The following PKMYT1 variants were observed in gnomAD, a reference collection of about 807,000 sequenced individuals.
PKMYT1 encodes the protein protein kinase, membrane associated tyrosine/threonine 1.
PKMYT1 carries 35 observed loss-of-function variants against 49.7 expected under a neutral mutation model. The observed-to-expected ratio is 0.70, with a 90% confidence interval of 0.54 to 0.93. PKMYT1 has a LOEUF of 0.93. Among genes scored for constraint, PKMYT1 ranks in the 40% least tolerant of loss-of-function variants. PKMYT1 has a pLI of 0.00. For synonymous variants in PKMYT1, 331 were observed against 287.6 expected (o/e 1.15, Z -1.53); for missense variants, 677 against 673.1 (o/e 1.01, Z -0.06).
At chr16:2,974,937 G>A (rs981498640) in intron 4 of PKMYT1, 1 of 566,754 alleles carries the variant, frequency 1.8e-6, no homozygotes, top group Admixed American at 3.3e-5. Flanking sequence ...ACTGCTGGCA[G>A]GTATTACTAT....
In PKMYT1 at chr16:2,976,740, C is replaced by T. The variant is rs774021188; in HGVS notation, c.302G>A (p.Arg101Gln). 6.7e-6 allele frequency: 10 copies of T among 1,501,840 alleles called. No individual in the cohort carries two copies. The highest frequency in any genetic ancestry group is 4.2e-5 in the African/African-American group (3 of 71,374). 93.0% of individuals were successfully genotyped at this position (1,501,840 alleles called of 1,614,324 possible). A position where few individuals can be genotyped will look rare whatever the true frequency, so the allele number is the denominator to read the frequency against. Residue 101 changes from arginine to glutamine, a missense_variant, in exon 3 of 9, where the codon CGG becomes CAG. Arg to Gln is a conservative substitution (Grantham distance 43). Coordinates refer to ENST00000262300, the MANE Select transcript of PKMYT1 (RefSeq NM_004203.5). ...GCTCTGCTGGAAGAAGGACTCTGGC[C>T]GGCTTGGGTCATACCCAGGGCTCTG... ...TLQSPGYDPSRPESFFQQSFQ... is the reference protein window; with the variant it reads ...TLQSPGYDPSQPESFFQQSFQ...
intron 7 of PKMYT1, 75 bp downstream of exon 7, chr16:2,973,925 C>G: frequency 6.7e-7 from 1 of 1,498,148 alleles, no homozygotes. Context: ...TCCCCATTCA[C>G]CACGAATCTC....
In PKMYT1 at chr16:2,974,643, T is replaced by C; in HGVS notation, c.886A>G (p.Ile296Val). Residue 296 changes from isoleucine to valine, a missense_variant, in exon 5 of 9, where the codon ATC (isoleucine) becomes GTC (valine). Ile to Val is a conservative substitution (Grantham distance 29, BLOSUM62 3). Coordinates refer to ENST00000262300, the MANE Select transcript of PKMYT1 (RefSeq NM_004203.5). ...AADVFSLGLT[I>V]LEVACNMELP... Reference sequence around the variant, plus strand: ...TCCATGTTGCATGCCACTTCCAGGATGGTGAGGCCCAGACTGGCAGGGACG... The same window carrying C: ...TCCATGTTGCATGCCACTTCCAGGACGGTGAGGCCCAGACTGGCAGGGACG... 2 of 1,564,400 alleles carry C rather than the reference T, an allele frequency of 1.3e-6. No individual in the cohort carries two copies. The highest frequency in any genetic ancestry group is 2.7e-5 in the African/African-American group (2 of 73,956).
chr16:2,977,383 A>ACGGC, intron 2 of PKMYT1: 3 of 995,118 alleles, frequency 3.0e-6, no homozygotes, highest in East Asian at 8.9e-5. Flanking sequence ...ATCCTAAACT[A>ACGGC]CACAACCTCT....
intron 2 of PKMYT1, chr16:2,977,602 G>C (rs539402490): frequency 1.6e-6 from 1 of 613,742 alleles, no homozygotes; most frequent in South Asian, 7.3e-5. Context: ...AGCACTGAAA[G>C]CCTCTGGGCA....
chr16:2,977,617 G>C (rs572527423), intron 2 of PKMYT1: 72 of 446,334 alleles, frequency 1.6e-4, no homozygotes, highest in Non-Finnish European at 2.1e-4. Flanking sequence ...TGGGCATGGT[G>C]CCCAGGGCAC....
rs897804290 is a variant in PKMYT1, at chr16:2,974,276, T to C, written c.1121A>G (p.Glu374Gly). The change falls in exon 6 of 9, where the codon GAG (glutamate) becomes GGG (glycine). Residue 374 changes from glutamate to glycine, a missense_variant. Transcript: ENST00000262300. ...AWGVLWCMAA[E>G]ALSRGWALWQ... The stretch of plus-strand genomic sequence containing the variant: ...CAGGGCCCACCCTCGGCTCAGGGCC[T>C]CCGCTGCCATGCACCACAGCACACC... 8 of 1,574,796 alleles carry C rather than the reference T, an allele frequency of 5.1e-6. No individual in the cohort carries two copies. The Admixed American group carries it at 7.4e-5, about 15-fold the overall frequency.
At chr16:2,977,772 G>A (rs560484073) in intron 2 of PKMYT1, among the ~76,000 whole-genome samples, 20 of 152,274 alleles carry the variant, frequency 1.3e-4, no homozygotes, top group African/African-American at 4.6e-4. Flanking sequence ...GTGTGGCCAA[G>A]AAGAAGGGCT....
At position 2,976,723 on chromosome 16, in the gene PKMYT1, GGAA is replaced by G. The variant is rs750629453; in HGVS notation, c.316_318del (p.Phe106del). The G allele has an allele frequency of 1.1e-5, 16 of 1,497,404 alleles. No homozygotes were observed. The highest frequency in any genetic ancestry group is 1.4e-5 in the South Asian group (1 of 72,182). 92.8% of individuals were successfully genotyped at this position (1,497,404 alleles called of 1,614,324 possible). On this transcript the variant is annotated inframe_deletion, in exon 3 of 9. Coordinates refer to ENST00000262300, the MANE Select transcript of PKMYT1 (RefSeq NM_004203.5). ...CGGCTGAGCCTCTGGAAGCTCTGCT[GGAA>G]GAAGGACTCTGGCCGGCTTGGGTCA...
chr16:2,974,082 G>A lies in PKMYT1; in HGVS notation c.1228C>T (p.Pro410Ser). Reference protein sequence around the residue: ...PASWLQPLGPPATPPGSPPCS... With the variant: ...PASWLQPLGPSATPPGSPPCS... ...GGTGGTGAGCCAGGCGGGGTGGCTG[G>A]CGGGCCCAGGGGCTGTAGCCAGCTG... The change falls in exon 7 of 9, where the codon CCA (proline) becomes TCA (serine). Residue 410 changes from proline to serine, a missense_variant. Coordinates refer to ENST00000262300, the MANE Select transcript of PKMYT1 (RefSeq NM_004203.5). 1 of 1,610,266 alleles carries A rather than the reference G, an allele frequency of 6.2e-7. No individual in the cohort carries two copies. Among genetic ancestry groups the A allele is most frequent in the Non-Finnish European group, 8.5e-7 (1 of 1,178,840 alleles).
intron 2 of PKMYT1, 125 bp from the exon 3 acceptor site, chr16:2,977,156 C>A: frequency 6.7e-7 from 1 of 1,498,692 alleles, no homozygotes; most frequent in Non-Finnish European, 8.9e-7. Flanking sequence ...CTACTTTAAA[C>A]GGCAATGGGA....
rs756142198 is a variant in PKMYT1 at position 2,974,350 on chromosome 16, C to T, written c.1047G>A (p.Thr349=). 1.6e-5 allele frequency: 25 copies of T among 1,610,020 alleles called. No homozygotes were observed. The highest frequency in any genetic ancestry group is 1.6e-4 in the Middle Eastern group (1 of 6,074). ...MLEPDPKLRA[T]AEALLALPVL... is the part of the protein sequence containing the mutation. The stretch of plus-strand genomic sequence containing the variant: ...CAGGCAGTGCCAGCAGGGCCTCGGC[C>T]GTGGCCCGCAGCTTGGGGTCTGGCT... The change falls in exon 6 of 9, where the codon ACG becomes ACA. Residue 349 remains threonine (T), a synonymous_variant. Coordinates refer to ENST00000262300, the MANE Select transcript of PKMYT1 (RefSeq NM_004203.5).
Position 2,976,098 on chromosome 16 carries a change from C to G in PKMYT1, c.379-286G>C, listed in dbSNP as rs1234593455. The G allele has an allele frequency of 9.6e-6, 4 of 415,398 alleles. No homozygotes were observed. The Admixed American group carries it at 1.2e-4, about 13-fold the overall frequency. 25.7% of individuals were successfully genotyped at this position (415,398 alleles called of 1,614,324 possible). A position where few individuals can be genotyped will look rare whatever the true frequency, so the allele number is the denominator to read the frequency against. On this transcript the variant is annotated intron_variant, in intron 3 of 8. Transcript: ENST00000262300. ...CGAGGTGGAAAAAGCAGCTGCAGAGCAACACAGGCAGCCCAGGCTGTGGTG... is the reference window on the plus strand; with the variant it reads ...CGAGGTGGAAAAAGCAGCTGCAGAGGAACACAGGCAGCCCAGGCTGTGGTG...
At chr16:2,974,928 C>G in intron 4 of PKMYT1, 1 of 567,494 alleles carries the variant, frequency 1.8e-6, no homozygotes, top group African/African-American at 1.9e-5. Flanking sequence ...ACCACAGTTA[C>G]TGCTGGCAGG....
At position 2,974,010 on chromosome 16, in the gene PKMYT1, C is replaced by T. The variant is rs200656682; in HGVS notation, c.1300G>A (p.Asp434Asn). The change falls in exon 7 of 9, where the codon GAC (aspartate) becomes AAC (asparagine). Residue 434 changes from aspartate to asparagine, a missense_variant. By Grantham distance (23) the Asp-to-Asn change is conservative. Coordinates refer to ENST00000262300, the MANE Select transcript of PKMYT1 (RefSeq NM_004203.5). ...TGCACTTGAACCCACCCTAGGCTGT[C>T]GTCATCCCAGTTGCTGGAGAGGCTG... ...DSSLSSNWDD[D>N]SLGPSLSPEA... is the part of the protein sequence containing the mutation. The T allele has an allele frequency of 6.2e-6, 10 of 1,612,640 alleles. No homozygotes were observed. Among genetic ancestry groups the T allele is most frequent in the African/African-American group, 5.3e-5 (4 of 74,918 alleles).
Position 2,975,377 on chromosome 16 carries a change from G to T in PKMYT1, c.814C>A (p.Arg272Ser). The change falls in exon 4 of 9, where the codon CGC becomes AGC. Residue 272 changes from arginine (R) to serine (S), a missense_variant. Coordinates refer to ENST00000262300, the MANE Select transcript of PKMYT1 (RefSeq NM_004203.5). ...GAGEVQEGDP[R>S]YMAPELLQGS... ...TGCAGCAGCTCGGGGGCCATGTAGC[G>T]GGGGTCTCCCTCCTGGACCTCACCA... 2 of 1,613,040 alleles carry T rather than the reference G, an allele frequency of 1.2e-6. No individual in the cohort carries two copies. The highest frequency in any genetic ancestry group is 8.5e-7 in the Non-Finnish European group (1 of 1,179,912).
In PKMYT1 at chr16:2,974,016, C is replaced by G; in HGVS notation, c.1294G>C (p.Asp432His). The change falls in exon 7 of 9, where the codon GAT becomes CAT. Residue 432 changes from aspartate to histidine, a missense_variant. By Grantham distance (81) the Asp-to-His change is moderately conservative. Transcript: ENST00000262300. ...LLDSSLSSNW[D>H]DDSLGPSLSP... ...TGAACCCACCCTAGGCTGTCGTCATCCCAGTTGCTGGAGAGGCTGCTGTCC... is the reference window on the plus strand; with the variant it reads ...TGAACCCACCCTAGGCTGTCGTCATGCCAGTTGCTGGAGAGGCTGCTGTCC... The G allele has an allele frequency of 1.2e-6, 2 of 1,612,822 alleles. No individual in the cohort carries two copies. Among genetic ancestry groups the G allele is most frequent in the Non-Finnish European group, 1.7e-6 (2 of 1,179,902 alleles).
Position 2,979,840 on chromosome 16 carries a change from C to T in PKMYT1, c.-183G>A. 1.5e-6 allele frequency: 1 copy of T among 648,180 alleles called. No homozygotes were observed. The highest frequency in any genetic ancestry group is 1.9e-5 in the South Asian group (1 of 53,846). The allele number at this position is 648,180 out of a possible 1,614,324, so 40.2% of individuals were successfully genotyped here. A position where few individuals can be genotyped will look rare whatever the true frequency, so the allele number is the denominator to read the frequency against. On this transcript the variant is annotated 5_prime_UTR_variant, in exon 2 of 9. In the 5' UTR this introduces an upstream ATG that the reference lacks. Coordinates refer to ENST00000262300, the MANE Select transcript of PKMYT1 (RefSeq NM_004203.5). ...CCAGGCCCGACACATCTGCTGGCCA[C>T]CTTTCCCGGTAGACGGTAAGTTCCT...
intron 3 of PKMYT1, chr16:2,976,120 G>T: frequency 5.3e-6 from 2 of 380,232 alleles, no homozygotes; most frequent in Non-Finnish European, 9.4e-6. Context: ...CCCAGGCTGT[G>T]GTGTGAAAAG....
Sources: allele counts gnomAD v4.1 joint callset (sites outside exome capture counted in the v4.1 genomes callset), GRCh38; gene constraint gnomAD v4.1.1; transcripts MANE v1.5; gene names NCBI Gene and HGNC (gene_info 2026-07-23, HGNC 2026-07-21).